The following RGS6 variants were observed in gnomAD, a reference collection of about 807,000 sequenced individuals.
RGS6 encodes regulator of G protein signaling 6.
In RGS6, 30 loss-of-function variants were observed where a neutral mutation model predicts 78.5. The ratio of observed to expected loss-of-function variants is 0.38; its 90% CI spans 0.29 to 0.52. The LOEUF (loss-of-function observed/expected upper bound fraction) is 0.52, where lower values mean the gene tolerates loss of function less well. Ranked by LOEUF, RGS6 falls within the 20% of genes least tolerant of loss-of-function variation. RGS6 has a pLI of 0.85. For missense variants in RGS6, 495 were observed against 609.7 expected (o/e 0.81, Z 1.98); for synonymous variants, 206 against 206.0 (o/e 1.00, Z 0.00).
chr14:72,584,959 C>T, the RGS6 span, among the ~76,000 whole-genome samples: 1 of 152,028 alleles, frequency 6.6e-6, no homozygotes, highest in South Asian at 2.1e-4. Context: ...GGCTAGAGGC[C>T]ATAATAACCC....
At chr14:72,419,666 C>T (rs2094055667) in intron 3 of RGS6, among the ~76,000 whole-genome samples, 3 of 152,086 alleles carry the variant, frequency 2.0e-5, no homozygotes, top group African/African-American at 7.2e-5. Context: ...TCAGTCATGC[C>T]CCTGGAGACC....
intron 17 of RGS6, among the ~76,000 whole-genome samples, chr14:72,561,194 A>C (rs1001546287): frequency 6.6e-6 from 1 of 152,146 alleles, no homozygotes; most frequent in Non-Finnish European, 1.5e-5. Context: ...AATTACATCT[A>C]GCTTACACGC....
chr14:72,139,864 G>A (rs2096512166), intron 2 of RGS6, among the ~76,000 whole-genome samples: 3 of 151,288 alleles, frequency 2.0e-5, no homozygotes, highest in Admixed American at 2.0e-4. Flanking sequence ...TTGGTATTCT[G>A]TGCCTACACT....
intron 2 of RGS6, among the ~76,000 whole-genome samples, chr14:72,301,403 T>C (rs1261900675): frequency 2.0e-5 from 3 of 152,184 alleles, no homozygotes; most frequent in African/African-American, 7.2e-5. Context: ...AAGTATGTAT[T>C]TATCGTTAGC....
At chr14:71,941,541 T>A (rs1395359391) in intron 1 of RGS6, among the ~76,000 whole-genome samples, 1 of 152,200 alleles carries the variant, frequency 6.6e-6, no homozygotes, top group Non-Finnish European at 1.5e-5. Flanking sequence ...GGTCCCACAA[T>A]AGGCTATCTG....
At chr14:72,242,623 A>G (rs1391009792) in intron 2 of RGS6, among the ~76,000 whole-genome samples, 1 of 152,156 alleles carries the variant, frequency 6.6e-6, no homozygotes, top group Non-Finnish European at 1.5e-5. Context: ...GTAAGGGATG[A>G]CACAGGAGGA....
the RGS6 span, among the ~76,000 whole-genome samples, chr14:71,920,518 T>C: frequency 6.6e-6 from 1 of 152,044 alleles, no homozygotes; most frequent in African/African-American, 2.4e-5. Flanking sequence ...AATAAAGACT[T>C]TGTCTGAAAA....
rs141917831 is a variant in RGS6, at chr14:72,540,760, G to A, written c.1422+666G>A. On this transcript the variant is annotated intron_variant, in intron 17 of 17. Coordinates refer to ENST00000553525, the MANE Select transcript of RGS6 (RefSeq NM_001204424.2). ...GCGGTGTCCTGGGTACTCCCCGGGG[G>A]CAAGGTCCTACCGGCCTCCTCAGGC... 936 of 985,354 alleles carry A rather than the reference G, an allele frequency of 9.5e-4. 8 individuals carry two copies. The African/African-American group carries it at 0.015, about 16-fold the overall frequency. 61.0% of individuals were successfully genotyped at this position (985,354 alleles called of 1,614,324 possible). A position where few individuals can be genotyped will look rare whatever the true frequency, so the allele number is the denominator to read the frequency against.
At chr14:72,064,280 A>C (rs1325049838) in intron 2 of RGS6, among the ~76,000 whole-genome samples, 1 of 152,132 alleles carries the variant, frequency 6.6e-6, no homozygotes, top group African/African-American at 2.4e-5. Flanking sequence ...GACCATGGAG[A>C]GGAGGTCAAG....
chr14:72,162,343 T>G (rs961405462), intron 2 of RGS6, among the ~76,000 whole-genome samples: 2 of 152,186 alleles, frequency 1.3e-5, no homozygotes, highest in Admixed American at 1.3e-4. Context: ...TATTCCCTGC[T>G]GGGCCATCTG....
At chr14:71,967,549 A>G (rs893459587) in intron 2 of RGS6, among the ~76,000 whole-genome samples, 1 of 152,212 alleles carries the variant, frequency 6.6e-6, no homozygotes, top group Non-Finnish European at 1.5e-5. Context: ...CAATTATTCA[A>G]AGTCATAGCC....
At chr14:72,184,212 T>G (rs1290586316) in intron 2 of RGS6, among the ~76,000 whole-genome samples, 3 of 152,168 alleles carry the variant, frequency 2.0e-5, no homozygotes, top group African/African-American at 7.2e-5. Context: ...CATCTTTTTA[T>G]CTTTTACAGT....
At chr14:72,035,170 G>C (rs2091501885) in intron 2 of RGS6, among the ~76,000 whole-genome samples, 1 of 152,070 alleles carries the variant, frequency 6.6e-6, no homozygotes, top group Admixed American at 6.6e-5. Flanking sequence ...CATGTATAAG[G>C]GGGAACTGCT....
At position 72,463,108 on chromosome 14, in the gene RGS6, TGACACATGGTGAACTTGA is replaced by T. The variant is rs2095822599; in HGVS notation, c.395-2647_395-2630del. Among the ~76,000 whole-genome samples, 3 of 152,356 alleles carry T rather than the reference TGACACATGGTGAACTTGA, an allele frequency of 2.0e-5. No individual in the cohort carries two copies. The South Asian group carries it at 6.2e-4, about 32-fold the overall frequency. On this transcript the variant is annotated intron_variant, in intron 6 of 17. Coordinates refer to ENST00000553525, the MANE Select transcript of RGS6 (RefSeq NM_001204424.2). The stretch of plus-strand genomic sequence containing the variant: ...TTAAATATGTCCCAGTTTTGTGTGG[TGACACATGGTGAACTTGA>T]GATGGCAGTGGATTTCTCTGAGTGA...
rs1429199888 is a variant in RGS6, at chr14:72,052,665, GC to G, written c.84+87792del. The stretch of plus-strand genomic sequence containing the variant: ...AATTTTTCTTACTGAATTTTTTAAT[GC>G]CACTATATGGCAGTGATTAAATAGC... On this transcript the variant is annotated intron_variant, in intron 2 of 17. Coordinates refer to ENST00000553525, the MANE Select transcript of RGS6 (RefSeq NM_001204424.2). Among the ~76,000 whole-genome samples the G allele has an allele frequency of 8.6e-5, 13 of 151,898 alleles. 1 individual carries two copies. The South Asian group carries it at 1.5e-3, about 17-fold the overall frequency.
At chr14:72,013,677 A>G (rs2086342591) in intron 2 of RGS6, among the ~76,000 whole-genome samples, 1 of 152,264 alleles carries the variant, frequency 6.6e-6, no homozygotes, top group South Asian at 2.1e-4. Flanking sequence ...TGTGAAATAC[A>G]TAAATATTCA....
the RGS6 span, among the ~76,000 whole-genome samples, chr14:71,875,429 C>T: frequency 6.6e-6 from 1 of 152,188 alleles, no homozygotes; most frequent in Non-Finnish European, 1.5e-5. Flanking sequence ...AGTTTAATTG[C>T]ATAGAGGTGT....
At chr14:72,539,439 G>A (rs1231479186) in intron 16 of RGS6, among the ~76,000 whole-genome samples, 1 of 152,170 alleles carries the variant, frequency 6.6e-6, no homozygotes, top group Non-Finnish European at 1.5e-5. Flanking sequence ...CAGAACGAGG[G>A]TCACTAGGAA....
the RGS6 span, among the ~76,000 whole-genome samples, chr14:72,579,299 C>T: frequency 6.6e-6 from 1 of 152,190 alleles, no homozygotes; most frequent in Non-Finnish European, 1.5e-5. Flanking sequence ...AATCATTGTC[C>T]CTGGCCATCA....
Sources: allele counts gnomAD v4.1 joint callset (sites outside exome capture counted in the v4.1 genomes callset), GRCh38; gene constraint gnomAD v4.1.1; transcripts MANE v1.5; gene names NCBI Gene and HGNC (gene_info 2026-07-23, HGNC 2026-07-21).